The following GSN variants were observed in gnomAD, a reference collection of about 807,000 sequenced individuals.
GSN encodes the protein actin-depolymerizing factor.
Under a neutral mutation model 85.7 loss-of-function variants are expected in GSN, and 56 were observed. The ratio of observed to expected loss-of-function variants is 0.65; its 90% CI spans 0.53 to 0.82. The LOEUF is 0.82. Among genes scored for constraint, GSN ranks in the 40% least tolerant of loss-of-function variants. The pLI is 0.00. For missense variants in GSN, 857 were observed against 979.8 expected, an observed-to-expected ratio of 0.87 and a Z score of 1.67; for synonymous variants, 373 against 399.1, an observed-to-expected ratio of 0.93 and a Z score of 0.78.
intron 12 of GSN, 133 bp downstream of exon 12, chr9:121,324,777 C>CCATCCAT: frequency 1.5e-6 from 1 of 678,766 alleles, no homozygotes; most frequent in East Asian, 2.7e-5. Flanking sequence ...ATCCATCCAT[C>CCATCCAT]CATCCATCCA....
intron 2 of GSN, among the ~76,000 whole-genome samples, chr9:121,298,711 C>G (rs4837835): frequency 0.38 from 57,446 of 152,140 alleles, 13,517 homozygotes; most frequent in East Asian, 0.62. Context: ...TCTTTCCTGT[C>G]ACTGCATCAG....
At chr9:121,308,990 T>G (rs1017556635) in intron 4 of GSN, 3 of 152,316 alleles carry the variant, frequency 2.0e-5, no homozygotes, top group African/African-American at 7.2e-5. Flanking sequence ...TGAGGGGCCC[T>G]GGATGGGGTG....
intron 5 of GSN, chr9:121,248,200 G>A (rs903064810): frequency 1.3e-5 from 2 of 151,778 alleles, no homozygotes; most frequent in African/African-American, 4.8e-5. Flanking sequence ...TTAGCAGGGG[G>A]GTCAGAGTCT....
At chr9:121,251,462 G>A (rs544050565) in intron 6 of GSN, among the ~76,000 whole-genome samples, 5 of 151,770 alleles carry the variant, frequency 3.3e-5, no homozygotes, top group Non-Finnish European at 7.4e-5. Flanking sequence ...CTCCCAAAGT[G>A]CTAGGATTAT....
intron 2 of GSN, among the ~76,000 whole-genome samples, chr9:121,209,681 A>G (rs2053939738): frequency 6.6e-6 from 1 of 152,256 alleles, no homozygotes; most frequent in African/African-American, 2.4e-5. Context: ...AAAATGAAGC[A>G]GAGCATGAGA....
intron 2 of GSN, chr9:121,283,770 C>T (rs940229885): frequency 2.4e-5 from 4 of 167,090 alleles, no homozygotes; most frequent in African/African-American, 9.7e-5. Flanking sequence ...CAGCAAAAAA[C>T]AAGACTTTCC....
chr9:121,283,824 T>C (rs922752262), intron 2 of GSN: 11 of 167,150 alleles, frequency 6.6e-5, no homozygotes, highest in African/African-American at 2.7e-4. Flanking sequence ...ACACTGAAGA[T>C]TAATTCTTGC....
chr9:121,296,386 G>T (rs1270070394), intron 2 of GSN, among the ~76,000 whole-genome samples: 1 of 152,152 alleles, frequency 6.6e-6, no homozygotes, highest in African/African-American at 2.4e-5. Flanking sequence ...CTCAAGTCAG[G>T]GGCTGTGGAC....
chr9:121,302,347 G>T (rs910601960), intron 3 of GSN, among the ~76,000 whole-genome samples, 180 bp downstream of exon 3: 4 of 152,162 alleles, frequency 2.6e-5, no homozygotes, highest in South Asian at 2.1e-4. Flanking sequence ...CCCCCACTCT[G>T]CCCCTAACCC....
intron 1 of GSN, among the ~76,000 whole-genome samples, chr9:121,208,421 G>A (rs1170787414): frequency 6.6e-6 from 1 of 152,310 alleles, no homozygotes; most frequent in East Asian, 1.9e-4. Context: ...AAGAATGATA[G>A]TGGCTTTCAC....
intron 4 of GSN, among the ~76,000 whole-genome samples, chr9:121,213,293 A>G (rs2053999987): frequency 1.3e-5 from 2 of 152,324 alleles, no homozygotes; most frequent in African/African-American, 4.8e-5. Flanking sequence ...ACTGGCTTCC[A>G]AAAACTATGG....
chr9:121,270,582 ATTGTAACT>A (rs1285105076), intron 1 of GSN, among the ~76,000 whole-genome samples: 1 of 152,210 alleles, frequency 6.6e-6, no homozygotes, highest in Non-Finnish European at 1.5e-5. Flanking sequence ...GGTATTCAGC[ATTGTAACT>A]TTTTTTTCTT....
chr9:121,259,682 C>G (rs1035596701), intron 6 of GSN, among the ~76,000 whole-genome samples: 1 of 151,438 alleles, frequency 6.6e-6, no homozygotes, highest in Non-Finnish European at 1.5e-5. Context: ...AAGCTCAGAG[C>G]TTGTCTGGAT....
chr9:121,238,840 C>T lies in GSN; in HGVS notation c.-389+7537C>T, dbSNP rs932686241. 7.5e-6 allele frequency: 4 copies of T among 530,472 alleles called. No homozygotes were observed. In the East Asian group the frequency reaches 2.1e-4, roughly 28 times the overall value. The allele number at this position is 530,472 out of a possible 1,614,324, so 32.9% of individuals were successfully genotyped here. ...TCTGAGCTAAGGGCTTCTTCTCCAA[C>T]TACAGCAATCATGGCTTGTACATCC... is the stretch of plus-strand genomic sequence containing the variant. On this transcript the variant is annotated intron_variant, in intron 5 of 24. Coordinates refer to the GSN transcript ENST00000373823.
Position 121,299,260 on chromosome 9 carries a change from C to T in GSN, c.-9-2703C>T. ...CCGCCCCTCTGAGTCCTGCCGGCTT[C>T]ACCTGCCCACGGGAGCCGGGTCCCC... is the stretch of plus-strand genomic sequence containing the variant. On this transcript the variant is annotated intron_variant, in intron 2 of 17. Transcript: ENST00000432226. This position sits in a 1 kb window ranked among gnomAD's most constrained non-coding sequence, Gnocchi z 4.2. 1.0e-6 allele frequency: 1 copy of T among 983,924 alleles called. No individual in the cohort carries two copies. The highest frequency in any genetic ancestry group is 1.1e-4 in the East Asian group (1 of 8,798). The allele number at this position is 983,924 out of a possible 1,614,324, so 60.9% of individuals were successfully genotyped here. A position where few individuals can be genotyped will look rare whatever the true frequency, so the allele number is the denominator to read the frequency against.
At chr9:121,240,408 A>G (rs369894973) in intron 5 of GSN, among the ~76,000 whole-genome samples, 2 of 152,338 alleles carry the variant, frequency 1.3e-5, no homozygotes, top group East Asian at 3.9e-4. Flanking sequence ...TAACAGAAGC[A>G]AACCTAAGCA....
At chr9:121,281,623 A>G (rs762089011) in intron 2 of GSN, 61 bp downstream of exon 2, 11 of 471,198 alleles carry the variant, frequency 2.3e-5, no homozygotes, top group South Asian at 1.7e-4. Context: ...TGCCCAGGGA[A>G]GCCTGGAGGG....
intron 4 of GSN, chr9:121,308,463 T>C (rs1424985640): frequency 6.6e-6 from 1 of 152,206 alleles, no homozygotes; most frequent in Admixed American, 6.5e-5. Context: ...GAGGATCACA[T>C]GAGGCCAGGA....
At chr9:121,306,310 G>A (rs1208085031) in intron 4 of GSN, among the ~76,000 whole-genome samples, 1 of 152,136 alleles carries the variant, frequency 6.6e-6, no homozygotes, top group African/African-American at 2.4e-5. Flanking sequence ...AGGGTGGAGG[G>A]GCCCAAGCCT....
Sources: allele counts gnomAD v4.1 joint callset (sites outside exome capture counted in the v4.1 genomes callset), GRCh38; gene constraint gnomAD v4.1.1; non-coding constraint Gnocchi (gnomAD v3.1); transcripts MANE v1.5; gene names NCBI Gene and HGNC (gene_info 2026-07-23, HGNC 2026-07-21).